ZNF704: variants seen among roughly 807,000 people sequenced by gnomAD.
The protein encoded by ZNF704 is zinc finger protein 704.
A neutral mutation model predicts 44.7 loss-of-function variants in ZNF704; 10 were observed. The ratio of observed to expected loss-of-function variants is 0.22; its 90% CI spans 0.14 to 0.38. The LOEUF (loss-of-function observed/expected upper bound fraction) is 0.38. ZNF704 is among the 10% of genes least tolerant of loss of function. The pLI, the probability that ZNF704 is intolerant of heterozygous loss-of-function variation, is 1.00. For missense variants in ZNF704, 390 were observed against 545.5 expected (o/e 0.71, Z 2.84); for synonymous variants, 211 against 207.6 (o/e 1.02, Z -0.14).
intron 1 of ZNF704, among the ~76,000 whole-genome samples, chr8:80,833,403 C>T (rs1448897910): frequency 6.6e-6 from 1 of 152,088 alleles, no homozygotes; most frequent in Non-Finnish European, 1.5e-5. Context: ...AAGACCAGAA[C>T]CTTAGAATAA....
chr8:80,695,243 A>T (rs1245681970), intron 2 of ZNF704, among the ~76,000 whole-genome samples: 1 of 152,174 alleles, frequency 6.6e-6, no homozygotes, highest in Non-Finnish European at 1.5e-5. Flanking sequence ...CATATCCACT[A>T]ATCTACCTTG....
At chr8:80,839,839 T>TGAGA (rs138328208) in intron 1 of ZNF704, among the ~76,000 whole-genome samples, 38 of 150,602 alleles carry the variant, frequency 2.5e-4, no homozygotes, top group South Asian at 6.4e-4. Flanking sequence ...CCAGCCATAA[T>TGAGA]GAGAGAGAGA....
intron 2 of ZNF704, among the ~76,000 whole-genome samples, chr8:80,782,664 C>A (rs768162991): frequency 6.6e-6 from 1 of 151,906 alleles, no homozygotes; most frequent in African/African-American, 2.4e-5. Context: ...AGGAGGACGA[C>A]CAGGGTAAGA....
intron 1 of ZNF704, among the ~76,000 whole-genome samples, chr8:80,851,401 G>T (rs927095975): frequency 1.3e-5 from 2 of 152,142 alleles, no homozygotes; most frequent in African/African-American, 4.8e-5. Flanking sequence ...ATAAAAAAAT[G>T]ATGAGTTCAT....
At chr8:80,684,544 G>A (rs1350931295) in intron 4 of ZNF704, among the ~76,000 whole-genome samples, 1 of 152,164 alleles carries the variant, frequency 6.6e-6, no homozygotes, top group Non-Finnish European at 1.5e-5. Context: ...CTGAGGGAAA[G>A]GAGAGGAAAA....
chr8:80,743,829 T>C (rs1315812983), intron 2 of ZNF704, among the ~76,000 whole-genome samples: 1 of 152,206 alleles, frequency 6.6e-6, no homozygotes, highest in Non-Finnish European at 1.5e-5. Flanking sequence ...GAAAATTAAA[T>C]TAGATAATGA....
At chr8:80,745,724 T>C (rs1292245871) in intron 2 of ZNF704, among the ~76,000 whole-genome samples, 2 of 152,198 alleles carry the variant, frequency 1.3e-5, no homozygotes, top group African/African-American at 4.8e-5. Context: ...GGAAGAACTT[T>C]CATATCTTAA....
intron 2 of ZNF704, among the ~76,000 whole-genome samples, chr8:80,805,108 A>T (rs1807967794): frequency 6.6e-6 from 1 of 152,168 alleles, no homozygotes. Context: ...GTAGGCAAGG[A>T]CTAGGTACAT....
intron 1 of ZNF704, among the ~76,000 whole-genome samples, chr8:80,856,956 T>C (rs1011409788): frequency 6.6e-6 from 1 of 152,184 alleles, no homozygotes; most frequent in Non-Finnish European, 1.5e-5. Flanking sequence ...ACTGACATCT[T>C]AACCATATTA....
chr8:80,849,822 A>G (rs1808828049), intron 1 of ZNF704, among the ~76,000 whole-genome samples: 1 of 152,210 alleles, frequency 6.6e-6, no homozygotes, highest in Non-Finnish European at 1.5e-5. Context: ...ACATTTGGGA[A>G]TAGCTTTTTA....
intron 2 of ZNF704, among the ~76,000 whole-genome samples, chr8:80,820,201 G>T (rs955585525): frequency 1.3e-5 from 2 of 152,120 alleles, no homozygotes; most frequent in Non-Finnish European, 2.9e-5. Context: ...CAGGGCTAGG[G>T]ATAAAGCATG....
chr8:80,670,330 T>C (rs1480331859), intron 5 of ZNF704, among the ~76,000 whole-genome samples, 173 bp downstream of exon 5: 1 of 152,254 alleles, frequency 6.6e-6, no homozygotes. Context: ...TTCTTTCCAC[T>C]GTGCCATATT....
At chr8:80,664,695 CT>C in intron 6 of ZNF704, 119 bp downstream of exon 6, 1 of 1,241,866 alleles carries the variant, frequency 8.1e-7, no homozygotes, top group Non-Finnish European at 1.1e-6. Context: ...AAAATCAAAG[CT>C]ACCGGGCTGC....
At chr8:80,699,394 A>G (rs1299361930) in intron 2 of ZNF704, among the ~76,000 whole-genome samples, 1 of 145,076 alleles carries the variant, frequency 6.9e-6, no homozygotes, top group Admixed American at 6.7e-5. Flanking sequence ...ATCAAAATTG[A>G]TGGAAAAAGA....
intron 2 of ZNF704, among the ~76,000 whole-genome samples, chr8:80,744,819 G>A (rs756852114): frequency 5.9e-5 from 9 of 151,998 alleles, no homozygotes; most frequent in Non-Finnish European, 1.3e-4. Flanking sequence ...CTAATTATGT[G>A]GTTTAAACTA....
At chr8:80,744,397 T>C (rs1333050906) in intron 2 of ZNF704, among the ~76,000 whole-genome samples, 3 of 152,190 alleles carry the variant, frequency 2.0e-5, no homozygotes, top group Non-Finnish European at 4.4e-5. Context: ...CAAGGTACTA[T>C]TTGAAAATAA....
At chr8:80,686,523 A>G (rs1348493231) in intron 4 of ZNF704, among the ~76,000 whole-genome samples, 1 of 152,026 alleles carries the variant, frequency 6.6e-6, no homozygotes. Context: ...ATGAGACTAC[A>G]GGTGCATGCC....
At chr8:80,707,087 TC>T (rs1186704829) in intron 2 of ZNF704, among the ~76,000 whole-genome samples, 14 of 152,218 alleles carry the variant, frequency 9.2e-5, no homozygotes, top group Non-Finnish European at 1.9e-4. Context: ...TTGATGTCAC[TC>T]CCCCATTTTA....
chr8:80,869,242 G>C (rs1256942597), intron 1 of ZNF704, among the ~76,000 whole-genome samples: 1 of 152,200 alleles, frequency 6.6e-6, no homozygotes, highest in Non-Finnish European at 1.5e-5. Context: ...ATGGAATAAA[G>C]TTGGGAAAAT....
Sources: gnomAD v4.1 joint callset for allele counts (sites outside exome capture counted in the v4.1 genomes callset) on GRCh38, gnomAD v4.1.1 for gene constraint, MANE v1.5 for transcripts, NCBI Gene and HGNC (gene_info 2026-07-23, HGNC 2026-07-21) for gene names.